Variants in RYR1 observed in about 807,000 individuals in gnomAD.
The protein encoded by RYR1 is ryanodine receptor 1.
RYR1 carries 342 observed loss-of-function variants against 583.5 expected under a neutral mutation model. The observed-to-expected ratio is 0.59, with a 90% confidence interval of 0.54 to 0.64. The LOEUF (loss-of-function observed/expected upper bound fraction) is 0.64. Among genes scored for constraint, RYR1 ranks in the 30% least tolerant of loss-of-function variants. The pLI is 0.00. For synonymous variants in RYR1, 2,791 were observed against 2,822.5 expected, an observed-to-expected ratio of 0.99 and a Z score of 0.35; for missense variants, 6,032 against 6,917.2, an observed-to-expected ratio of 0.87 and a Z score of 4.54.
At chr19:38,577,632 A>G (rs1479977516) in intron 97 of RYR1, among the ~76,000 whole-genome samples, 1 of 152,028 alleles carries the variant, frequency 6.6e-6, no homozygotes, top group Non-Finnish European at 1.5e-5. Context: ...CCCCGTCCCT[A>G]CTAAAAATAC....
intron 87 of RYR1, among the ~76,000 whole-genome samples, chr19:38,544,078 C>A: frequency 6.6e-6 from 1 of 152,196 alleles, no homozygotes; most frequent in South Asian, 2.1e-4. Flanking sequence ...TCCCTCCCCA[C>A]CAATCAGCTG....
At chr19:38,480,839 G>T (rs182891008) in intron 31 of RYR1, among the ~76,000 whole-genome samples, 19 of 151,622 alleles carry the variant, frequency 1.3e-4, no homozygotes, top group African/African-American at 4.4e-4. Context: ...TCGCCTCCCG[G>T]GCTCAAGCCT....
intron 34 of RYR1, among the ~76,000 whole-genome samples, chr19:38,488,453 C>T (rs1440712739): frequency 6.6e-6 from 1 of 152,116 alleles, no homozygotes; most frequent in Admixed American, 6.6e-5. Context: ...ACTCTTCTTC[C>T]CTTTCGTCTA....
chr19:38,472,392 C>T (rs1168694830), intron 27 of RYR1, among the ~76,000 whole-genome samples: 1 of 152,144 alleles, frequency 6.6e-6, no homozygotes, highest in Non-Finnish European at 1.5e-5. Context: ...TGAGCCACTG[C>T]GCCCTGTCGC....
intron 1 of RYR1, among the ~76,000 whole-genome samples, chr19:38,437,115 A>G (rs1972462005): frequency 6.6e-6 from 1 of 151,610 alleles, no homozygotes; most frequent in Non-Finnish European, 1.5e-5. Flanking sequence ...CAATGGCACA[A>G]TCTCGGCTCA....
intron 30 of RYR1, 64 bp from the exon 31 acceptor site, chr19:38,478,371 G>A: frequency 6.3e-7 from 1 of 1,575,702 alleles, no homozygotes; most frequent in Non-Finnish European, 8.7e-7. Context: ...GCTTGGGGAA[G>A]GGGGTGTCCA....
rs1212132638 is a variant in RYR1 at position 38,580,314 on chromosome 19, G to A, written c.14512-56G>A. 8 of 1,603,718 alleles carry A rather than the reference G, an allele frequency of 5.0e-6. No homozygotes were observed. In the African/African-American group the frequency reaches 9.4e-5, roughly 19 times the overall value. On this transcript the variant is annotated intron_variant, in intron 100 of 105. Transcript: ENST00000359596. ...CCGGGGCCAGGACCCAGCATGGGCA[G>A]GGTGGGGGGAGGGCAAGCCCAGGGC...
At chr19:38,435,716 C>T (rs1972396972) in intron 1 of RYR1, among the ~76,000 whole-genome samples, 1 of 152,020 alleles carries the variant, frequency 6.6e-6, no homozygotes, top group East Asian at 1.9e-4. Flanking sequence ...CCAGCCTGGG[C>T]GACAGGGCGA....
At chr19:38,582,322 G>C (rs568586899) in intron 101 of RYR1, among the ~76,000 whole-genome samples, 128 of 152,084 alleles carry the variant, frequency 8.4e-4, no homozygotes, top group Admixed American at 1.4e-3. Context: ...ACTTGAACCC[G>C]GGAGGTGGAG....
At position 38,532,547 on chromosome 19, in the gene RYR1, G is replaced by A; in HGVS notation, c.11193+6G>A. 6.2e-7 allele frequency: 1 copy of A among 1,614,172 alleles called. No homozygotes were observed. On this transcript the variant is annotated splice_donor_region_variant and intron_variant, in intron 77 of 105. Transcript: ENST00000359596. ...ATGCTGATATCATGGCAAAGGTGAGGCCCTACCCCCCTCTTCTGGGGCAGA... is the reference window on the plus strand; with the variant it reads ...ATGCTGATATCATGGCAAAGGTGAGACCCTACCCCCCTCTTCTGGGGCAGA...
chr19:38,444,978 C>T lies in RYR1; in HGVS notation c.631+301C>T, dbSNP rs1321791125. ...TCAAGTTTAAAGCTTGTTTAAAGGCCGGGCATGGTGGCTCACGCCTGTAAT... is the reference window on the plus strand; with the variant it reads ...TCAAGTTTAAAGCTTGTTTAAAGGCTGGGCATGGTGGCTCACGCCTGTAAT... On this transcript the variant is annotated intron_variant, in intron 7 of 105. Coordinates refer to ENST00000359596, the MANE Select transcript of RYR1 (RefSeq NM_000540.3). The surrounding 1 kb of genome is among the most constrained non-coding windows in gnomAD (Gnocchi z 5.1). 6.6e-6 allele frequency among the ~76,000 whole-genome samples: 1 copy of T among 151,950 alleles called. No homozygotes were observed. The highest frequency in any genetic ancestry group is 1.5e-5 in the Non-Finnish European group (1 of 67,998).
At chr19:38,438,544 A>G (rs1972525082) in intron 1 of RYR1, among the ~76,000 whole-genome samples, 1 of 147,944 alleles carries the variant, frequency 6.8e-6, no homozygotes, top group East Asian at 2.0e-4. Flanking sequence ...ACATACCACC[A>G]TGCTCGGCTA....
chr19:38,529,049 G>A lies in RYR1; in HGVS notation c.11133G>A (p.Thr3711=), dbSNP rs368980166. The change falls in exon 76 of 106, where the codon ACG becomes ACA. Residue 3711 remains threonine, a synonymous_variant. Transcript: ENST00000359596. ...TGCACTTCAGCCGCACTGCCCTGACGGAAAAGAGGTGAAGACTCTTGCCAG... is the reference window on the plus strand; with the variant it reads ...TGCACTTCAGCCGCACTGCCCTGACAGAAAAGAGGTGAAGACTCTTGCCAG... ...LVLHFSRTAL[T]EKSKLDEDYL... The A allele has an allele frequency of 8.7e-6, 14 of 1,613,740 alleles. No individual in the cohort carries two copies. The highest frequency in any genetic ancestry group is 8.3e-5 in the Admixed American group (5 of 60,006).
intron 34 of RYR1, 127 bp downstream of exon 34, chr19:38,486,329 C>T: frequency 8.7e-7 from 1 of 1,143,580 alleles, no homozygotes. Flanking sequence ...CTCTATACAT[C>T]CATCCACCTT....
intron 3 of RYR1, 125 bp downstream of exon 3, chr19:38,442,578 C>T (rs1600637568): frequency 1.4e-6 from 1 of 693,226 alleles, no homozygotes; most frequent in East Asian, 2.7e-5. Context: ...TGCTCTTCTT[C>T]CTCTCTCTGC....
chr19:38,526,807 T>C (rs1212313948), intron 71 of RYR1, 186 bp from the exon 72 acceptor site: 3 of 607,046 alleles, frequency 4.9e-6, no homozygotes, highest in Non-Finnish European at 8.8e-6. Context: ...TCTGTGACCC[T>C]CCGGCCCCTC....
chr19:38,498,725 T>C (rs900126739), intron 42 of RYR1, among the ~76,000 whole-genome samples: 3 of 152,162 alleles, frequency 2.0e-5, no homozygotes, highest in Non-Finnish European at 4.4e-5. Flanking sequence ...GTCGTGGCGC[T>C]GGTGGGAGTG....
Position 38,489,366 on chromosome 19 carries a change from G to A in RYR1, c.5737G>A (p.Ala1913Thr), listed in dbSNP as rs912199060. 3.1e-6 allele frequency: 5 copies of A among 1,613,166 alleles called. No individual in the cohort carries two copies. In the African/African-American group the frequency reaches 6.7e-5, roughly 22 times the overall value. The change falls in exon 35 of 106, where the codon GCA becomes ACA. Residue 1913 changes from alanine (A) to threonine (T), a missense_variant. By Grantham distance (58) the Ala-to-Thr change is moderately conservative. Transcript: ENST00000359596. ...KEDEEKEEEE[A>T]AEGEKEEGLE... ...AGATGAGGAAAAAGAGGAAGAGGAG[G>A]CAGCAGAAGGGGAGAAAGAAGAAGG...
At chr19:38,449,515 GAT>G (rs1966969425) in intron 11 of RYR1, among the ~76,000 whole-genome samples, 1 of 152,156 alleles carries the variant, frequency 6.6e-6, no homozygotes, top group Non-Finnish European at 1.5e-5. Flanking sequence ...GTGAGAAAAA[GAT>G]GGATAATGAC....
Sources: allele counts gnomAD v4.1 joint callset (sites outside exome capture counted in the v4.1 genomes callset), GRCh38; gene constraint gnomAD v4.1.1; non-coding constraint Gnocchi (gnomAD v3.1); transcripts MANE v1.5; gene names NCBI Gene and HGNC (gene_info 2026-07-23, HGNC 2026-07-21).